ANK1: variants seen among roughly 807,000 people sequenced by gnomAD.
The protein encoded by ANK1 is ankyrin 1, also known as ankyrin-1.
Under a neutral mutation model 210.4 loss-of-function variants are expected in ANK1, and 51 were observed. The ratio of observed to expected loss-of-function variants is 0.24; its 90% CI spans 0.19 to 0.31. ANK1 has a LOEUF of 0.31. Ranked by LOEUF, ANK1 falls within the 10% of genes least tolerant of loss-of-function variation. The probability of loss-of-function intolerance (pLI) is 1.00; values close to 1 mark genes in which losing one functional copy is unlikely to be tolerated. For synonymous variants in ANK1, 967 were observed against 1,025.9 expected, an observed-to-expected ratio of 0.94 and a Z score of 1.10; for missense variants, 2,051 against 2,504.4, an observed-to-expected ratio of 0.82 and a Z score of 3.86.
chr8:41,768,851 G>C (rs1490802121), intron 1 of ANK1, among the ~76,000 whole-genome samples: 18 of 151,786 alleles, frequency 1.2e-4, no homozygotes. Flanking sequence ...CATGCCTGTA[G>C]TCCTGGCTAC....
chr8:41,715,196 A>G, intron 14 of ANK1, 122 bp from the exon 15 acceptor site: 1 of 929,480 alleles, frequency 1.1e-6, no homozygotes, highest in Non-Finnish European at 1.7e-6. Flanking sequence ...GCAAAGGCAC[A>G]GCCATTTTTG....
chr8:41,723,389 G>T, intron 8 of ANK1, 146 bp downstream of exon 8: 1 of 1,151,368 alleles, frequency 8.7e-7, no homozygotes, highest in Non-Finnish European at 1.3e-6. Flanking sequence ...ACTGCACGCG[G>T]CACTGCCCAG....
chr8:41,827,734 C>CA lies in ANK1; in HGVS notation c.126+68620_126+68621insT, dbSNP rs1554642662. ...CACACCCACTCACACTCACACACAT[C>CA]CACACACGCATACATACACCCACTC... On this transcript the variant is annotated intron_variant, in intron 1 of 42. Coordinates refer to the ANK1 transcript ENST00000265709. 2.9e-3 allele frequency among the ~76,000 whole-genome samples: 431 copies of CA among 148,006 alleles called. 4 individuals are homozygous for CA. Among genetic ancestry groups the CA allele is most frequent in the African/African-American group, 0.01 (407 of 39,922 alleles).
At chr8:41,695,455 C>T (rs1365157281) in intron 26 of ANK1, 124 bp from the exon 27 acceptor site, 24 of 1,347,226 alleles carry the variant, frequency 1.8e-5, no homozygotes, top group Non-Finnish European at 2.4e-5. Flanking sequence ...GTGGAGGCCC[C>T]ACCTGCAGGC....
intron 36 of ANK1, among the ~76,000 whole-genome samples, chr8:41,685,003 G>A (rs919635588): frequency 5.3e-5 from 8 of 151,938 alleles, no homozygotes; most frequent in Non-Finnish European, 1.0e-4. Context: ...GGGCAATCTC[G>A]GCTCACTGTC....
At chr8:41,846,657 T>C (rs1403353197) in intron 1 of ANK1, among the ~76,000 whole-genome samples, 1 of 152,258 alleles carries the variant, frequency 6.6e-6, no homozygotes. Flanking sequence ...CTGCAGTTAA[T>C]TGATCCTGGG....
intron 5 of ANK1, among the ~76,000 whole-genome samples, chr8:41,726,265 G>A (rs987689169): frequency 1.1e-4 from 16 of 152,070 alleles, no homozygotes; most frequent in Non-Finnish European, 2.2e-4. Flanking sequence ...TTCTTTGCCG[G>A]CTCTCTTTCT....
chr8:41,807,576 T>C (rs952611464), intron 1 of ANK1, among the ~76,000 whole-genome samples: 5 of 151,434 alleles, frequency 3.3e-5, no homozygotes, highest in African/African-American at 1.2e-4. Flanking sequence ...GAAGAGGGGG[T>C]GGTGTACTAG....
chr8:41,760,374 C>A (rs1344907807), intron 1 of ANK1, among the ~76,000 whole-genome samples: 1 of 152,200 alleles, frequency 6.6e-6, no homozygotes, highest in Non-Finnish European at 1.5e-5. Context: ...CCTGCACATA[C>A]TCTCTTGCCT....
At chr8:41,723,742 C>T (rs1488500019) in intron 7 of ANK1, 109 bp from the exon 8 acceptor site, 14 of 839,960 alleles carry the variant, frequency 1.7e-5, no homozygotes, top group South Asian at 1.5e-4. Flanking sequence ...CCTGCAACAG[C>T]GTTGTCAGGG....
chr8:41,896,559 G>C (rs1587679971), exon 1 of ANK1: 1 of 1,504,064 alleles, frequency 6.6e-7, no homozygotes, highest in South Asian at 1.2e-5. Flanking sequence ...CCCTAAGAAG[G>C]GGAAGGGGGT....
At chr8:41,753,153 C>A (rs889357437) in intron 2 of ANK1, among the ~76,000 whole-genome samples, 1 of 149,512 alleles carries the variant, frequency 6.7e-6, no homozygotes, top group African/African-American at 2.5e-5. Flanking sequence ...ACCTCTGCCT[C>A]TTGGGTTCAA....
chr8:41,740,252 C>G (rs1328210416), intron 2 of ANK1, among the ~76,000 whole-genome samples: 1 of 151,884 alleles, frequency 6.6e-6, no homozygotes, highest in African/African-American at 2.4e-5. Context: ...CCTCCACCTC[C>G]CAAGTTCAAG....
chr8:41,705,508 C>T (rs774596029), intron 18 of ANK1, among the ~76,000 whole-genome samples: 1 of 152,062 alleles, frequency 6.6e-6, no homozygotes, highest in African/African-American at 2.4e-5. Flanking sequence ...CTGGAGGGGG[C>T]GGGAGCTCCT....
Position 41,661,932 on chromosome 8 carries a change from T to C in ANK1, c.5488A>G (p.Lys1830Glu). The change falls in exon 41 of 43, where the codon AAG becomes GAG. Residue 1830 changes from lysine to glutamate, a missense_variant. Physicochemically the swap from Lys to Glu is moderately conservative, Grantham distance 56. Transcript: ENST00000289734. ...GNIVTKKIIR[K>E]VVRQIDLSSA... Reference sequence around the variant, plus strand: ...GACAAGTCTATCTGTCGAACCACCTTGCGAATGATCTAGGAAAGGAAGGGA... The same window carrying C: ...GACAAGTCTATCTGTCGAACCACCTCGCGAATGATCTAGGAAAGGAAGGGA... The C allele has an allele frequency of 6.2e-7, 1 of 1,613,828 alleles. No individual in the cohort carries two copies. Among genetic ancestry groups the C allele is most frequent in the Admixed American group, 1.7e-5 (1 of 60,016 alleles).
chr8:41,750,797 T>C (rs751557720), intron 2 of ANK1, among the ~76,000 whole-genome samples: 10 of 152,234 alleles, frequency 6.6e-5, no homozygotes, highest in Non-Finnish European at 1.5e-4. Flanking sequence ...TGGGCTGCTC[T>C]GGGAAGTCTT....
chr8:41,886,736 A>G (rs1053502950), intron 1 of ANK1, among the ~76,000 whole-genome samples: 19 of 152,322 alleles, frequency 1.2e-4, no homozygotes, highest in African/African-American at 4.3e-4. Flanking sequence ...CAGCAATAAG[A>G]CAGGAGAGGC....
At chr8:41,812,322 G>A (rs370985114) in intron 1 of ANK1, among the ~76,000 whole-genome samples, 1 of 152,070 alleles carries the variant, frequency 6.6e-6, no homozygotes, top group African/African-American at 2.4e-5. Flanking sequence ...ATATATATGG[G>A]AGTCCCACAA....
At position 41,688,172 on chromosome 8, in the gene ANK1, G is replaced by C; in HGVS notation, c.4242C>G (p.Leu1414=). 2 of 1,614,214 alleles carry C rather than the reference G, an allele frequency of 1.2e-6. No homozygotes were observed. Among genetic ancestry groups the C allele is most frequent in the East Asian group, 4.5e-5 (2 of 44,886 alleles). ...EMKMAVISEH[L]GLSWAELARE... is the part of the protein sequence containing the mutation. ...CCCACTCACCTGCCCAGCTGAGACC[G>C]AGGTGCTCTGAGATAACAGCCATCT... The change falls in exon 35 of 43, where the codon CTC becomes CTG. Residue 1414 remains leucine (L), a synonymous_variant. Coordinates refer to ENST00000289734, the MANE Select transcript of ANK1 (RefSeq NM_000037.4).
Sources: allele counts gnomAD v4.1 joint callset (sites outside exome capture counted in the v4.1 genomes callset), GRCh38; gene constraint gnomAD v4.1.1; transcripts MANE v1.5; gene names NCBI Gene and HGNC (gene_info 2026-07-23, HGNC 2026-07-21).